BNC2: variants seen among roughly 807,000 people sequenced by gnomAD.
BNC2 encodes the protein zinc finger protein basonuclin-2.
BNC2 carries 20 observed loss-of-function variants against 76.3 expected under a neutral mutation model. The observed-to-expected ratio is 0.26, with a 90% CI of 0.18 to 0.38. The LOEUF (loss-of-function observed/expected upper bound fraction) is 0.38, where lower values mean the gene tolerates loss of function less well. Among genes scored for constraint, BNC2 ranks in the 10% least tolerant of loss-of-function variants. BNC2 has a pLI of 1.00. For synonymous variants in BNC2, 582 were observed against 514.8 expected (o/e 1.13, Z -1.77); for missense variants, 1,382 against 1,399.8 (o/e 0.99, Z 0.20).
At chr9:16,626,780 C>G (rs144060279) in intron 3 of BNC2, among the ~76,000 whole-genome samples, 2 of 152,068 alleles carry the variant, frequency 1.3e-5, no homozygotes, top group Non-Finnish European at 2.9e-5. Context: ...TGGAAGGAAG[C>G]GAGAACAGGG....
At chr9:16,423,134 C>T (rs1392147159) in intron 6 of BNC2, among the ~76,000 whole-genome samples, 1 of 152,156 alleles carries the variant, frequency 6.6e-6, no homozygotes, top group Non-Finnish European at 1.5e-5. Flanking sequence ...ACAAAGAATC[C>T]AACAAGGAAC....
chr9:16,778,618 G>C (rs1826034404), intron 1 of BNC2, among the ~76,000 whole-genome samples: 2 of 152,256 alleles, frequency 1.3e-5, no homozygotes, highest in African/African-American at 4.8e-5. Flanking sequence ...AGGCTCAAAA[G>C]GAACAAGCAC....
rs538115269 is a variant in BNC2, at chr9:16,612,380, G to A, written c.331-29295C>T. 3.3e-5 allele frequency among the ~76,000 whole-genome samples: 5 copies of A among 152,118 alleles called. No individual in the cohort carries two copies. The South Asian group carries it at 1.0e-3, about 32-fold the overall frequency. On this transcript the variant is annotated intron_variant, in intron 3 of 6. Transcript: ENST00000380672. ...GTCTCACACACCCACCCCTTCCCCA[G>A]CCACTTTCTCATACCAAACTTAGAG...
chr9:16,579,590 A>G (rs1421873751), intron 4 of BNC2, among the ~76,000 whole-genome samples: 1 of 151,112 alleles, frequency 6.6e-6, no homozygotes, highest in Non-Finnish European at 1.5e-5. Flanking sequence ...CCAGCTTTTA[A>G]TTTTTTAGAA....
chr9:16,686,025 T>G (rs1218934275), intron 3 of BNC2, among the ~76,000 whole-genome samples: 1 of 152,162 alleles, frequency 6.6e-6, no homozygotes, highest in African/African-American at 2.4e-5. Context: ...TCCTCTTTCC[T>G]TTAATTTTCT....
At chr9:16,667,810 G>T (rs969018571) in intron 3 of BNC2, among the ~76,000 whole-genome samples, 2 of 152,160 alleles carry the variant, frequency 1.3e-5, no homozygotes, top group African/African-American at 4.8e-5. Context: ...GATATACAAA[G>T]ATCAACACAA....
chr9:16,567,811 G>C (rs1181571357), intron 4 of BNC2, among the ~76,000 whole-genome samples: 1 of 152,108 alleles, frequency 6.6e-6, no homozygotes, highest in African/African-American at 2.4e-5. Context: ...CCATCTAGCT[G>C]TTCAGGCATG....
At chr9:16,750,731 C>T (rs1212724338) in intron 1 of BNC2, among the ~76,000 whole-genome samples, 3 of 152,226 alleles carry the variant, frequency 2.0e-5, no homozygotes, top group Non-Finnish European at 4.4e-5. Flanking sequence ...TGTTAATGAA[C>T]GATTAAGCCT....
chr9:16,459,906 T>C (rs1298090935), intron 5 of BNC2, among the ~76,000 whole-genome samples: 1 of 152,210 alleles, frequency 6.6e-6, no homozygotes, highest in Non-Finnish European at 1.5e-5. Flanking sequence ...ATTATCCCTT[T>C]CTGAAACGGC....
At chr9:16,598,728 T>A (rs1563856810) in intron 3 of BNC2, among the ~76,000 whole-genome samples, 1 of 152,176 alleles carries the variant, frequency 6.6e-6, no homozygotes, top group Non-Finnish European at 1.5e-5. Flanking sequence ...CAAAGGCTAC[T>A]TTTACCATAC....
At chr9:16,789,666 TTTCA>T (rs1817446146) in intron 1 of BNC2, among the ~76,000 whole-genome samples, 1 of 152,208 alleles carries the variant, frequency 6.6e-6, no homozygotes, top group Admixed American at 6.5e-5. Flanking sequence ...ATGCCTGGTG[TTTCA>T]TTATTATTTC....
intron 1 of BNC2, among the ~76,000 whole-genome samples, chr9:16,858,271 T>C (rs993602923): frequency 5.9e-5 from 9 of 152,218 alleles, no homozygotes; most frequent in Admixed American, 6.5e-5. Flanking sequence ...GTGTCTCTTA[T>C]CATACGGAAC....
At chr9:16,539,892 C>A (rs545025861) in intron 5 of BNC2, among the ~76,000 whole-genome samples, 2 of 151,166 alleles carry the variant, frequency 1.3e-5, no homozygotes, top group Non-Finnish European at 2.9e-5. Context: ...AAATCTGTGA[C>A]CTAATTGGAA....
At chr9:16,557,756 T>A (rs2132623936) in intron 4 of BNC2, among the ~76,000 whole-genome samples, 1 of 152,204 alleles carries the variant, frequency 6.6e-6, no homozygotes, top group East Asian at 1.9e-4. Flanking sequence ...CTGACTTGTG[T>A]CCACTCCCCT....
intron 5 of BNC2, among the ~76,000 whole-genome samples, chr9:16,470,448 C>A (rs1821798220): frequency 6.6e-6 from 1 of 152,220 alleles, no homozygotes; most frequent in African/African-American, 2.4e-5. Flanking sequence ...TGTTAATCCC[C>A]AAGAACATGG....
chr9:16,829,610 A>G (rs1818534355), intron 1 of BNC2, among the ~76,000 whole-genome samples: 1 of 152,202 alleles, frequency 6.6e-6, no homozygotes, highest in Non-Finnish European at 1.5e-5. Context: ...GGTGTTTGCA[A>G]AGAGGAGGAT....
At chr9:16,836,984 T>C (rs1818722072) in intron 1 of BNC2, among the ~76,000 whole-genome samples, 2 of 152,098 alleles carry the variant, frequency 1.3e-5, no homozygotes, top group African/African-American at 4.8e-5. Context: ...ATATTTTGGC[T>C]CTGCCAAAAA....
chr9:16,863,418 C>T (rs1276431740), intron 1 of BNC2, among the ~76,000 whole-genome samples: 4 of 152,146 alleles, frequency 2.6e-5, no homozygotes, highest in Admixed American at 6.5e-5. Flanking sequence ...GGCACAGTGG[C>T]TCACTGTGGG....
At chr9:16,749,293 TG>T (rs1825110374) in intron 1 of BNC2, among the ~76,000 whole-genome samples, 1 of 152,280 alleles carries the variant, frequency 6.6e-6, no homozygotes, top group African/African-American at 2.4e-5. Context: ...TCAGTACACG[TG>T]TTGTTAGTTA....
Sources: gnomAD v4.1 joint callset for allele counts (sites outside exome capture counted in the v4.1 genomes callset) on GRCh38, gnomAD v4.1.1 for gene constraint, MANE v1.5 for transcripts, NCBI Gene and HGNC (gene_info 2026-07-23, HGNC 2026-07-21) for gene names.